The following DVL3 variants were observed in gnomAD, a reference collection of about 807,000 sequenced individuals.
The protein encoded by DVL3 is dishevelled segment polarity protein 3, also known as segment polarity protein dishevelled homolog DVL-3.
Under a neutral mutation model 67.4 loss-of-function variants are expected in DVL3, and 27 were observed. That is an observed-to-expected ratio of 0.40 (90% confidence interval 0.30 to 0.55). The LOEUF is 0.55. Ranked by LOEUF, DVL3 falls within the 20% of genes least tolerant of loss-of-function variation. The probability of loss-of-function intolerance (pLI) is 0.46; values close to 1 mark genes in which losing one functional copy is unlikely to be tolerated. For synonymous variants in DVL3, 369 were observed against 396.8 expected, an observed-to-expected ratio of 0.93 and a Z score of 0.83; for missense variants, 819 against 1,021.5, an observed-to-expected ratio of 0.80 and a Z score of 2.70.
At position 184,166,116 on chromosome 3, in the gene DVL3, C is replaced by G; in HGVS notation, c.764-10C>G. ...TGCTCCCCCTTAAGGTCTTAAATTA[C>G]TCTCTATAGAAAAATATAACTTCTT... is the stretch of plus-strand genomic sequence containing the variant. On this transcript the variant is annotated splice_polypyrimidine_tract_variant and intron_variant, in intron 7 of 14. Coordinates refer to ENST00000313143, the MANE Select transcript of DVL3 (RefSeq NM_004423.4). The surrounding 1 kb of genome is among the most constrained non-coding windows in gnomAD (Gnocchi z 6.7). 1 of 1,611,600 alleles carries G rather than the reference C, an allele frequency of 6.2e-7. No homozygotes were observed. Among genetic ancestry groups the G allele is most frequent in the East Asian group, 2.2e-5 (1 of 44,878 alleles).
intron 1 of DVL3, among the ~76,000 whole-genome samples, chr3:184,158,712 C>A (rs1714279449): frequency 6.6e-6 from 1 of 152,096 alleles, no homozygotes; most frequent in Non-Finnish European, 1.5e-5. Context: ...CTCCTCAAGT[C>A]CCATCTGGTC....
At chr3:184,169,783 G>C (rs1158554464) in intron 13 of DVL3, among the ~76,000 whole-genome samples, 1 of 152,186 alleles carries the variant, frequency 6.6e-6, no homozygotes, top group Non-Finnish European at 1.5e-5. Context: ...AGCTTTGGCT[G>C]AGAACCTAGA....
intron 1 of DVL3, among the ~76,000 whole-genome samples, chr3:184,156,148 C>G (rs1032716290): frequency 6.6e-6 from 1 of 152,136 alleles, no homozygotes; most frequent in Non-Finnish European, 1.5e-5. Flanking sequence ...CCTCCTCCTG[C>G]CGAGGAGCCA....
At position 184,165,027 on chromosome 3, in the gene DVL3, G is replaced by C. The variant is rs747739186; in HGVS notation, c.600-86G>C. 9.3e-6 allele frequency: 15 copies of C among 1,608,638 alleles called. No individual in the cohort carries two copies. The highest frequency in any genetic ancestry group is 3.3e-4 in the Middle Eastern group (2 of 6,022). On this transcript the variant is annotated intron_variant, in intron 5 of 14. Transcript: ENST00000313143. This position sits in a 1 kb window ranked among gnomAD's most constrained non-coding sequence, Gnocchi z 4.1. The stretch of plus-strand genomic sequence containing the variant: ...GGCCCCTGGGAGGCTTATGGGCTTT[G>C]TGTTGGGGACCCAGGCCCTGCAGTG...
In DVL3 at chr3:184,164,447, GAGCCCCC is replaced by G. The variant is rs1301607461; in HGVS notation, c.354-40_354-34del. 6.3e-7 allele frequency: 1 copy of G among 1,597,830 alleles called. No homozygotes were observed. Among genetic ancestry groups the G allele is most frequent in the Admixed American group, 1.7e-5 (1 of 57,194 alleles). On this transcript the variant is annotated intron_variant, in intron 3 of 14. Coordinates refer to ENST00000313143, the MANE Select transcript of DVL3 (RefSeq NM_004423.4). This position sits in a 1 kb window ranked among gnomAD's most constrained non-coding sequence, Gnocchi z 5.3. ...CAGTTCAGCCCAGGGCTGGGGGAGG[GAGCCCCC>G]AGCCTGCCCCCTCCCCCATCAAGTC...
chr3:184,157,922 A>G (rs779931235), intron 1 of DVL3, among the ~76,000 whole-genome samples: 4 of 152,234 alleles, frequency 2.6e-5, no homozygotes, highest in Non-Finnish European at 5.9e-5. Context: ...TCATTTATTT[A>G]ACACACGCCT....
In DVL3 at chr3:184,167,466, T is replaced by A; in HGVS notation, c.1199-114T>A. On this transcript the variant is annotated intron_variant, in intron 11 of 14. Transcript: ENST00000313143. The surrounding 1 kb of genome is among the most constrained non-coding windows in gnomAD (Gnocchi z 4.6). ...GGAAACTGAGTGTCCAAGAAATCAG[T>A]AATTTTCCCAGCATTGATCCCATAA... The A allele has an allele frequency of 1.9e-6, 2 of 1,025,748 alleles. No homozygotes were observed. The highest frequency in any genetic ancestry group is 2.8e-6 in the Non-Finnish European group (2 of 707,070). The allele number at this position is 1,025,748 out of a possible 1,614,324, so 63.5% of individuals were successfully genotyped here. A position where few individuals can be genotyped will look rare whatever the true frequency, so the allele number is the denominator to read the frequency against.
rs1560119164 is a variant in DVL3, at chr3:184,166,713, C to T, written c.1048+40C>T. ...GACTCAGTCCTAAAGCTGGTGCTTA[C>T]ATACATGAGCACTGTCTCTCCTTTC... On this transcript the variant is annotated intron_variant, in intron 10 of 14. Transcript: ENST00000313143. The surrounding 1 kb of genome is among the most constrained non-coding windows in gnomAD (Gnocchi z 6.7). 3.7e-6 allele frequency: 6 copies of T among 1,611,932 alleles called. No homozygotes were observed. The highest frequency in any genetic ancestry group is 5.1e-6 in the Non-Finnish European group (6 of 1,178,660).
At chr3:184,156,162 C>G (rs1364888156) in intron 1 of DVL3, among the ~76,000 whole-genome samples, 1 of 152,154 alleles carries the variant, frequency 6.6e-6, no homozygotes, top group Non-Finnish European at 1.5e-5. Flanking sequence ...GGAGCCAGAG[C>G]CACCTTTTTC....
rs1234050502 is a variant in DVL3, at chr3:184,163,549, G to A, written c.162-108G>A. ...GCTTTCATTTGAACAGTCTTGTGCT[G>A]GTGGTTTGATTCCCAGTTTAGGATG... On this transcript the variant is annotated intron_variant, in intron 1 of 14. Transcript: ENST00000313143. This position sits in a 1 kb window ranked among gnomAD's most constrained non-coding sequence, Gnocchi z 4.5. 3 of 959,388 alleles carry A rather than the reference G, an allele frequency of 3.1e-6. No individual in the cohort carries two copies. Among genetic ancestry groups the A allele is most frequent in the Non-Finnish European group, 5.1e-6 (3 of 583,406 alleles). The allele number at this position is 959,388 out of a possible 1,614,324, so 59.4% of individuals were successfully genotyped here.
Position 184,171,137 on chromosome 3 carries a change from T to G in DVL3, c.*382T>G. 2 of 1,172,636 alleles carry G rather than the reference T, an allele frequency of 1.7e-6. No homozygotes were observed. Among genetic ancestry groups the G allele is most frequent in the Non-Finnish European group, 2.1e-6 (2 of 938,890 alleles). 72.6% of individuals were successfully genotyped at this position (1,172,636 alleles called of 1,614,324 possible). ...CTCCCTCATTCTCTCGTTTCCCCTT[T>G]AGCTCCCTTTCACCATTTATTCAGC... is the stretch of plus-strand genomic sequence containing the variant. On this transcript the variant is annotated 3_prime_UTR_variant, in exon 15 of 15. Transcript: ENST00000313143.
chr3:184,165,117 A>G lies in DVL3; in HGVS notation c.604A>G (p.Ser202Gly), dbSNP rs986431100. Residue 202 changes from serine (S) to glycine (G), a missense_variant, in exon 6 of 15, where the codon AGC (serine) becomes GGC (glycine). By Grantham distance (56) the Ser-to-Gly change is moderately conservative. This residue lies in a region of DVL3 where 385 missense variants were observed against 486.8 expected (regional missense o/e 0.79). Coordinates refer to ENST00000313143, the MANE Select transcript of DVL3 (RefSeq NM_004423.4). This position sits in a 1 kb window ranked among gnomAD's most constrained non-coding sequence, Gnocchi z 4.1. ...GAACGACTGTGGGCCCCACAGGTTC[A>G]GCAGCTCCACAGAACAGAGCAGTGC... ...SDEDDSTSRF[S>G]SSTEQSSASR... 1 of 1,614,034 alleles carries G rather than the reference A, an allele frequency of 6.2e-7. No homozygotes were observed. Among genetic ancestry groups the G allele is most frequent in the Non-Finnish European group, 8.5e-7 (1 of 1,179,980 alleles).
Position 184,164,956 on chromosome 3 carries a change from T to A in DVL3, c.599+25T>A. 1.2e-6 allele frequency: 2 copies of A among 1,613,928 alleles called. No homozygotes were observed. Among genetic ancestry groups the A allele is most frequent in the Non-Finnish European group, 1.7e-6 (2 of 1,179,896 alleles). On this transcript the variant is annotated intron_variant, in intron 5 of 14. Transcript: ENST00000313143. The surrounding 1 kb of genome is among the most constrained non-coding windows in gnomAD (Gnocchi z 5.3). The stretch of plus-strand genomic sequence containing the variant: ...GGTGGGGCTTGAGTTTCATGGGTAT[T>A]GTGGGGCAGGTGACCCTGGAGGAGC...
At chr3:184,162,179 A>ATTT (rs34375222) in intron 1 of DVL3, among the ~76,000 whole-genome samples, 49 of 144,088 alleles carry the variant, frequency 3.4e-4, no homozygotes, top group Non-Finnish European at 5.4e-4. Flanking sequence ...AATGACAGCA[A>ATTT]TTTTTTTTTT....
Position 184,163,452 on chromosome 3 carries a change from G to A in DVL3, c.162-205G>A, listed in dbSNP as rs1315182089. ...ATGACTGAGAGGATGCCCCGGGAAG[G>A]TATCTGGCCTAGGCAGGGCTGGTGT... On this transcript the variant is annotated intron_variant, in intron 1 of 14. Transcript: ENST00000313143. This position sits in a 1 kb window ranked among gnomAD's most constrained non-coding sequence, Gnocchi z 4.5. Among the ~76,000 whole-genome samples the A allele has an allele frequency of 2.0e-5, 3 of 152,166 alleles. No individual in the cohort carries two copies. The highest frequency in any genetic ancestry group is 7.2e-5 in the African/African-American group (3 of 41,434).
rs1328042626 is a variant in DVL3, at chr3:184,163,924, G to A, written c.231+198G>A. Among the ~76,000 whole-genome samples the A allele has an allele frequency of 1.3e-5, 2 of 152,204 alleles. No homozygotes were observed. Among genetic ancestry groups the A allele is most frequent in the African/African-American group, 4.8e-5 (2 of 41,442 alleles). On this transcript the variant is annotated intron_variant, in intron 2 of 14. Transcript: ENST00000313143. This position sits in a 1 kb window ranked among gnomAD's most constrained non-coding sequence, Gnocchi z 4.5. ...GAAATTAGTGGGAAGGGGGAAGAGG[G>A]AGAGACGGAAACACACAGTGGAGAC...
intron 1 of DVL3, among the ~76,000 whole-genome samples, chr3:184,161,512 A>G (rs1714381900): frequency 6.6e-6 from 1 of 151,834 alleles, no homozygotes; most frequent in Non-Finnish European, 1.5e-5. Context: ...AGCTCCTGGC[A>G]TGCGTCATCT....
Position 184,167,185 on chromosome 3 carries a change from G to A in DVL3, c.1198+210G>A, listed in dbSNP as rs1328288297. ...GCTTCTGAACTTGTATGAGCACCCA[G>A]GGCGCCTCAGTTTCCTCTTACAAAA... is the stretch of plus-strand genomic sequence containing the variant. On this transcript the variant is annotated intron_variant, in intron 11 of 14. Transcript: ENST00000313143. The surrounding 1 kb of genome is among the most constrained non-coding windows in gnomAD (Gnocchi z 4.6). 6.6e-6 allele frequency among the ~76,000 whole-genome samples: 1 copy of A among 152,204 alleles called. No homozygotes were observed. The highest frequency in any genetic ancestry group is 1.5e-5 in the Non-Finnish European group (1 of 68,036).
In DVL3 at chr3:184,170,455, GGAGCGGGCGCCCAGC is replaced by G. The variant is rs1560121271; in HGVS notation, c.1857_1871del (p.Ala620_Arg624del). 2 of 1,583,622 alleles carry G rather than the reference GGAGCGGGCGCCCAGC, an allele frequency of 1.3e-6. No individual in the cohort carries two copies. The highest frequency in any genetic ancestry group is 1.7e-6 in the Non-Finnish European group (2 of 1,166,032). ...CACGCAGCAGCCTGCGGGGGCCGCG[GGAGCGGGCGCCCAGC>G]GAGCGCTCAGGGCCGGCGGCCAGCG... On this transcript the variant is annotated inframe_deletion, in exon 15 of 15. Coordinates refer to ENST00000313143, the MANE Select transcript of DVL3 (RefSeq NM_004423.4). The surrounding 1 kb of genome is among the most constrained non-coding windows in gnomAD (Gnocchi z 6.5).
Sources: gnomAD v4.1 joint callset for allele counts (sites outside exome capture counted in the v4.1 genomes callset) on GRCh38, gnomAD v4.1.1 for gene constraint, gnomAD v4.1.1 regional missense constraint, Gnocchi (gnomAD v3.1) non-coding constraint, MANE v1.5 for transcripts, NCBI Gene and HGNC (gene_info 2026-07-23, HGNC 2026-07-21) for gene names.